Variants in SPIDR observed in about 807,000 individuals in gnomAD.
The protein encoded by SPIDR is DNA repair-scaffolding protein.
A neutral mutation model predicts 104.6 loss-of-function variants in SPIDR; 93 were observed. The observed-to-expected ratio is 0.89, with a 90% CI of 0.75 to 1.06. SPIDR has a LOEUF of 1.06. Ranked by LOEUF, SPIDR falls within the 50% of genes least tolerant of loss-of-function variation. The pLI is 0.00. For missense variants in SPIDR, 1,154 were observed against 1,111.2 expected (o/e 1.04, Z -0.55); for synonymous variants, 431 against 416.9 (o/e 1.03, Z -0.41).
intron 5 of SPIDR, among the ~76,000 whole-genome samples, chr8:47,395,981 CA>C (rs2061199733): frequency 6.6e-6 from 1 of 152,192 alleles, no homozygotes; most frequent in Non-Finnish European, 1.5e-5. Context: ...TGTTAAATTT[CA>C]AAATCCAAGA....
intron 5 of SPIDR, among the ~76,000 whole-genome samples, chr8:47,305,786 C>A: frequency 6.6e-6 from 1 of 152,202 alleles, no homozygotes; most frequent in East Asian, 1.9e-4. Flanking sequence ...TTGTTTTCAT[C>A]TTTTTTCCCA....
intron 16 of SPIDR, among the ~76,000 whole-genome samples, chr8:47,714,401 C>T (rs1455073704): frequency 1.3e-5 from 2 of 152,100 alleles, no homozygotes; most frequent in Admixed American, 6.5e-5. Flanking sequence ...GGGACCTGCT[C>T]AGTTCTGTCG....
intron 2 of SPIDR, among the ~76,000 whole-genome samples, chr8:47,282,181 C>T (rs1278723988): frequency 6.6e-6 from 1 of 152,214 alleles, no homozygotes; most frequent in Non-Finnish European, 1.5e-5. Flanking sequence ...TTATAGAGCA[C>T]AGGCAGAGTA....
chr8:47,723,709 G>A (rs748966879), intron 16 of SPIDR, among the ~76,000 whole-genome samples: 29 of 152,050 alleles, frequency 1.9e-4, no homozygotes, highest in African/African-American at 6.0e-4. Context: ...GATTACAGGC[G>A]TGAGCCACCA....
chr8:47,406,676 A>G (rs2062799596), intron 6 of SPIDR, among the ~76,000 whole-genome samples: 1 of 152,224 alleles, frequency 6.6e-6, no homozygotes, highest in Non-Finnish European at 1.5e-5. Flanking sequence ...ATCTGTATAT[A>G]GGCTGCAAGT....
At chr8:47,407,487 T>C (rs1274427518) in intron 6 of SPIDR, among the ~76,000 whole-genome samples, 2 of 152,216 alleles carry the variant, frequency 1.3e-5, no homozygotes, top group Non-Finnish European at 2.9e-5. Context: ...CCCTGGTACC[T>C]AACGAAGTGC....
chr8:47,482,825 G>GT lies in SPIDR; in HGVS notation c.1097+42292dup, dbSNP rs1480001431. Among the ~76,000 whole-genome samples, 209 of 150,940 alleles carry GT rather than the reference G, an allele frequency of 1.4e-3. 1 individual carries two copies. The Middle Eastern group carries it at 0.028, about 20-fold the overall frequency. ...GAGTCCTCATGGGCAGCTGTGTTTTGTTTTTTTTTGTTTTGTTTTGTTTTG... is the reference window on the plus strand; with the variant it reads ...GAGTCCTCATGGGCAGCTGTGTTTTGTTTTTTTTTTGTTTTGTTTTGTTTTG... On this transcript the variant is annotated intron_variant, in intron 8 of 19. Coordinates refer to ENST00000297423, the MANE Select transcript of SPIDR (RefSeq NM_001080394.4).
In SPIDR at chr8:47,279,982, T is replaced by G; in HGVS notation, c.154T>G (p.Cys52Gly). ...CTCTCTCTCTGAAGCATGGCTCAGG[T>G]GTGGAGAAGGGTTTCAGAACACTTC... ...AASLSEAWLR[C>G]GEGFQNTSGN... Residue 52 changes from cysteine (C) to glycine (G), a missense_variant, in exon 2 of 20, where the codon TGT becomes GGT. Transcript: ENST00000297423. 2 of 1,614,092 alleles carry G rather than the reference T, an allele frequency of 1.2e-6. No individual in the cohort carries two copies. The highest frequency in any genetic ancestry group is 8.5e-7 in the Non-Finnish European group (1 of 1,179,996).
intron 1 of SPIDR, among the ~76,000 whole-genome samples, chr8:47,278,896 C>T (rs1466340960): frequency 6.6e-6 from 1 of 151,848 alleles, no homozygotes; most frequent in African/African-American, 2.4e-5. Context: ...TTTTATTTTT[C>T]TTTTTTTAAG....
At chr8:47,639,914 T>C (rs2068588990) in intron 10 of SPIDR, among the ~76,000 whole-genome samples, 1 of 151,038 alleles carries the variant, frequency 6.6e-6, no homozygotes. Flanking sequence ...ACCATTGCAC[T>C]CCAGCCTGGG....
At chr8:47,384,941 T>G (rs2059716610) in intron 5 of SPIDR, among the ~76,000 whole-genome samples, 1 of 152,230 alleles carries the variant, frequency 6.6e-6, no homozygotes, top group Admixed American at 6.5e-5. Context: ...ATGAGATCAC[T>G]TCTTGCCAGT....
chr8:47,686,631 TA>T (rs1163003117), intron 11 of SPIDR, among the ~76,000 whole-genome samples: 2 of 152,176 alleles, frequency 1.3e-5, no homozygotes, highest in African/African-American at 4.8e-5. Flanking sequence ...AGCTGGGTCT[TA>T]AGACAGGTGC....
intron 8 of SPIDR, among the ~76,000 whole-genome samples, chr8:47,577,927 C>G (rs1023130984): frequency 1.3e-5 from 2 of 152,138 alleles, no homozygotes; most frequent in Non-Finnish European, 2.9e-5. Context: ...GCTCTAGAGT[C>G]ACACTGGGAG....
chr8:47,378,504 T>C (rs539721091), intron 5 of SPIDR, among the ~76,000 whole-genome samples: 2 of 152,216 alleles, frequency 1.3e-5, no homozygotes, highest in Non-Finnish European at 2.9e-5. Flanking sequence ...ACATATAGAT[T>C]TTACTCTCTT....
rs771963348 is a variant in SPIDR, at chr8:47,664,743, CAAAAAA to C, written c.1545-9039_1545-9034del. ...GGCAACATGGAAAACCCCATCTCTACAAAAAAAAAAAAAAAAAAAAAAAATTAGCCA... is the reference window on the plus strand; with the variant it reads ...GGCAACATGGAAAACCCCATCTCTACAAAAAAAAAAAAAAAAAATTAGCCA... On this transcript the variant is annotated intron_variant, in intron 10 of 19. Transcript: ENST00000297423. Among the ~76,000 whole-genome samples, 116 of 63,512 alleles carry C rather than the reference CAAAAAA, an allele frequency of 1.8e-3. 1 individual carries two copies. Among genetic ancestry groups the C allele is most frequent in the South Asian group, 0.013 (20 of 1,492 alleles). The allele number at this position is 63,512 out of a possible 152,430, so 41.7% of individuals were successfully genotyped here.
At chr8:47,589,832 TTC>T (rs1461605509) in intron 8 of SPIDR, among the ~76,000 whole-genome samples, 1 of 152,330 alleles carries the variant, frequency 6.6e-6, no homozygotes, top group East Asian at 1.9e-4. Context: ...CATTGTTTTT[TTC>T]TCTGTTGTTT....
chr8:47,372,485 G>A (rs1474836030), intron 5 of SPIDR, among the ~76,000 whole-genome samples: 1 of 152,098 alleles, frequency 6.6e-6, no homozygotes, highest in Non-Finnish European at 1.5e-5. Flanking sequence ...AATTAGCCAG[G>A]TGTGGTGGTG....
At chr8:47,540,013 T>C (rs1232190739) in intron 8 of SPIDR, among the ~76,000 whole-genome samples, 1 of 152,214 alleles carries the variant, frequency 6.6e-6, no homozygotes, top group Non-Finnish European at 1.5e-5. Context: ...AGCACAGTTT[T>C]GCTGAATTTA....
intron 17 of SPIDR, chr8:47,728,719 AGCCAGT>A (rs1305413176): frequency 2.1e-6 from 1 of 473,044 alleles, no homozygotes; most frequent in Non-Finnish European, 3.7e-6. Context: ...TTCGGCCTCC[AGCCAGT>A]GCTACTCGTG....
Sources: gnomAD v4.1 joint callset for allele counts (sites outside exome capture counted in the v4.1 genomes callset) on GRCh38, gnomAD v4.1.1 for gene constraint, MANE v1.5 for transcripts, NCBI Gene and HGNC (gene_info 2026-07-23, HGNC 2026-07-21) for gene names.